PCDHA9: variants seen among roughly 807,000 people sequenced by gnomAD.
The protein encoded by PCDHA9 is protocadherin alpha 9.
In PCDHA9, 62 loss-of-function variants were observed where a neutral mutation model predicts 62.0. That is an observed-to-expected ratio of 1.00 (90% CI 0.81 to 1.23). The LOEUF is 1.23. Among genes scored for constraint, PCDHA9 ranks in the 50% most tolerant of loss-of-function variants. The pLI is 0.00. For missense variants in PCDHA9, 1,205 were observed against 1,249.8 expected (o/e 0.96, Z 0.54); for synonymous variants, 557 against 567.6 (o/e 0.98, Z 0.27).
At chr5:140,968,187 A>G in intron 1 of PCDHA9, 3 of 1,614,064 alleles carry the variant, frequency 1.9e-6, no homozygotes, top group Non-Finnish European at 2.5e-6. Context: ...GAGGACTCCT[A>G]TTCCATCTAC....
intron 1 of PCDHA9, among the ~76,000 whole-genome samples, chr5:140,903,353 G>C (rs782739410): frequency 6.6e-5 from 10 of 152,156 alleles, no homozygotes; most frequent in Non-Finnish European, 1.3e-4. Context: ...TAAAAAACAA[G>C]TTTTTCAAAA....
At chr5:140,944,077 G>A (rs913476675) in intron 1 of PCDHA9, among the ~76,000 whole-genome samples, 1 of 152,204 alleles carries the variant, frequency 6.6e-6, no homozygotes, top group Non-Finnish European at 1.5e-5. Context: ...TAAAGATAAA[G>A]GAGGCCTGAG....
intron 1 of PCDHA9, among the ~76,000 whole-genome samples, chr5:140,973,856 C>G (rs1349378315): frequency 6.6e-6 from 1 of 152,166 alleles, no homozygotes; most frequent in Non-Finnish European, 1.5e-5. Context: ...CCAATTTTTG[C>G]TCTCAATGAG....
intron 1 of PCDHA9, among the ~76,000 whole-genome samples, chr5:140,873,598 G>A (rs888999019): frequency 1.3e-5 from 2 of 152,148 alleles, no homozygotes; most frequent in Non-Finnish European, 2.9e-5. Flanking sequence ...AAACTTAGAT[G>A]TTCCTATTGG....
chr5:141,009,999 G>A lies in PCDHA9; in HGVS notation c.*62G>A. 1 of 1,575,110 alleles carries A rather than the reference G, an allele frequency of 6.3e-7. No individual in the cohort carries two copies. The highest frequency in any genetic ancestry group is 1.2e-5 in the South Asian group (1 of 82,646). On this transcript the variant is annotated 3_prime_UTR_variant, in exon 4 of 4. Coordinates refer to ENST00000532602, the MANE Select transcript of PCDHA9 (RefSeq NM_031857.2). ...TGTAATAATGGCAAATCTCTCCCAT[G>A]TAGCAATTCCCTGCTCCTTTTTCCT...
intron 1 of PCDHA9, chr5:140,862,740 G>A: frequency 1.7e-6 from 1 of 577,772 alleles, no homozygotes; most frequent in South Asian, 1.4e-5. Flanking sequence ...GCTATGTGTG[G>A]GTGCACGCGG....
intron 1 of PCDHA9, among the ~76,000 whole-genome samples, chr5:140,892,835 A>G (rs2063695508): frequency 6.6e-6 from 1 of 152,200 alleles, no homozygotes. Context: ...ACAGTGCTGC[A>G]AAACACCACA....
chr5:140,935,405 A>G (rs1554210493), intron 1 of PCDHA9, among the ~76,000 whole-genome samples: 1 of 152,248 alleles, frequency 6.6e-6, no homozygotes, highest in Non-Finnish European at 1.5e-5. Context: ...GGACTCAAAC[A>G]ATGGACTTAG....
At chr5:140,913,657 G>A (rs1554196018) in intron 1 of PCDHA9, among the ~76,000 whole-genome samples, 1 of 152,170 alleles carries the variant, frequency 6.6e-6, no homozygotes, top group Non-Finnish European at 1.5e-5. Context: ...TCTTTAAGAT[G>A]TATAGTTAGG....
chr5:140,952,496 G>A (rs2094755026), intron 1 of PCDHA9, among the ~76,000 whole-genome samples: 1 of 152,112 alleles, frequency 6.6e-6, no homozygotes, highest in Non-Finnish European at 1.5e-5. Flanking sequence ...CCAGTCCTCA[G>A]TAAGTTCCTC....
In PCDHA9 at chr5:140,849,851, A is replaced by G. The variant is rs148732691; in HGVS notation, c.1356A>G (p.Ala452=). 6 of 1,598,254 alleles carry G rather than the reference A, an allele frequency of 3.8e-6. 1 individual carries two copies. The highest frequency in any genetic ancestry group is 2.2e-5 in the East Asian group (1 of 44,844). Residue 452 remains alanine, a synonymous_variant, in exon 1 of 4, where the codon GCA becomes GCG. Coordinates refer to ENST00000532602, the MANE Select transcript of PCDHA9 (RefSeq NM_031857.2). The part of the protein sequence containing the change: ...SVEVADVNDN[A]PAFAQSEYTV... ...AGGTGGCCGACGTGAACGACAACGC[A>G]CCAGCGTTCGCGCAGTCCGAGTACA...
intron 1 of PCDHA9, chr5:140,876,526 G>T: frequency 6.2e-7 from 1 of 1,614,164 alleles, no homozygotes; most frequent in Non-Finnish European, 8.5e-7. Context: ...TGAAGTAATG[G>T]TTACTTCACT....
At chr5:140,948,351 A>G (rs951541212) in intron 1 of PCDHA9, among the ~76,000 whole-genome samples, 1 of 151,646 alleles carries the variant, frequency 6.6e-6, no homozygotes, top group East Asian at 1.9e-4. Flanking sequence ...TTCTAACCTA[A>G]TAAAATGACT....
Position 140,870,925 on chromosome 5 carries a change from T to C in PCDHA9, c.2394+20036T>C, listed in dbSNP as rs1554164841. 8 of 1,613,916 alleles carry C rather than the reference T, an allele frequency of 5.0e-6. No homozygotes were observed. In the Admixed American group the frequency reaches 8.3e-5, roughly 17 times the overall value. On this transcript the variant is annotated intron_variant, in intron 1 of 3. Transcript: ENST00000532602. Reference sequence around the variant, plus strand: ...CTCAGGCTACAACGCGTGGCTTTCATATGAATTGCAGCCGGCGGCGGGCGG... The same window carrying C: ...CTCAGGCTACAACGCGTGGCTTTCACATGAATTGCAGCCGGCGGCGGGCGG...
chr5:140,927,155 G>A (rs2083907874), intron 1 of PCDHA9: 1 of 1,614,076 alleles, frequency 6.2e-7, no homozygotes, highest in Non-Finnish European at 8.5e-7. Flanking sequence ...CAGCTGTGCA[G>A]GGCCAAAGCT....
intron 3 of PCDHA9, among the ~76,000 whole-genome samples, chr5:140,983,223 C>T (rs2153830857): frequency 6.6e-6 from 1 of 152,270 alleles, no homozygotes; most frequent in Admixed American, 6.5e-5. Context: ...CTAATCCAAA[C>T]TTTCAGGAAA....
intron 1 of PCDHA9, among the ~76,000 whole-genome samples, chr5:140,950,613 A>G (rs980395914): frequency 3.3e-5 from 5 of 152,064 alleles, no homozygotes; most frequent in African/African-American, 1.2e-4. Context: ...TGATGTGCTT[A>G]TTTATGCTTT....
intron 1 of PCDHA9, among the ~76,000 whole-genome samples, chr5:140,932,637 T>C (rs1554209011): frequency 6.6e-6 from 1 of 151,870 alleles, no homozygotes; most frequent in African/African-American, 2.4e-5. Context: ...TAAAAAACTT[T>C]AGAATGATGA....
At chr5:140,989,724 T>C (rs1251385686) in intron 3 of PCDHA9, among the ~76,000 whole-genome samples, 6 of 152,178 alleles carry the variant, frequency 3.9e-5, no homozygotes, top group African/African-American at 1.4e-4. Context: ...AGCTTTGCAG[T>C]TGAAAAGGCC....
Sources: allele counts gnomAD v4.1 joint callset (sites outside exome capture counted in the v4.1 genomes callset), GRCh38; gene constraint gnomAD v4.1.1; transcripts MANE v1.5; gene names NCBI Gene and HGNC (gene_info 2026-07-23, HGNC 2026-07-21).